TRPM7: variants seen among roughly 807,000 people sequenced by gnomAD.
TRPM7 encodes the protein transient receptor potential cation channel subfamily M member 7.
Under a neutral mutation model 229.7 loss-of-function variants are expected in TRPM7, and 134 were observed. The ratio of observed to expected loss-of-function variants is 0.58; its 90% CI spans 0.51 to 0.67. The LOEUF is 0.67. Among genes scored for constraint, TRPM7 ranks in the 30% least tolerant of loss-of-function variants. The pLI is 0.00. For missense variants in TRPM7, 1,901 were observed against 2,210.0 expected (o/e 0.86, Z 2.80); for synonymous variants, 699 against 715.2 (o/e 0.98, Z 0.36).
intron 31 of TRPM7, among the ~76,000 whole-genome samples, chr15:50,576,927 G>A (rs1237196398): frequency 2.0e-5 from 3 of 152,066 alleles, no homozygotes. Context: ...GGATAACATG[G>A]CAAGGCCCCA....
At chr15:50,607,921 GGT>G (rs1315841924) in intron 19 of TRPM7, among the ~76,000 whole-genome samples, 1 of 150,930 alleles carries the variant, frequency 6.6e-6, no homozygotes, top group African/African-American at 2.4e-5. Context: ...CAGACGTGGT[GGT>G]GCATGCCTGC....
At chr15:50,576,628 T>C (rs2054148909) in intron 31 of TRPM7, among the ~76,000 whole-genome samples, 1 of 152,200 alleles carries the variant, frequency 6.6e-6, no homozygotes, top group African/African-American at 2.4e-5. Flanking sequence ...GATTGACCTA[T>C]AGTGCTTTTT....
At chr15:50,630,727 T>C (rs1231344800) in intron 10 of TRPM7, among the ~76,000 whole-genome samples, 2 of 152,150 alleles carry the variant, frequency 1.3e-5, no homozygotes, top group South Asian at 2.1e-4. Context: ...GGCTGGAGTG[T>C]AGCAGTGTGA....
rs1265040538 is a variant in TRPM7, at chr15:50,559,235, T to A, written c.*2443A>T. On this transcript the variant is annotated 3_prime_UTR_variant, in exon 39 of 39. Transcript: ENST00000646667. ...CCCAGCTAATTTTTTGTATTTTTAG[T>A]AGAGACGGGGTTTCACTATGTTGGT... The A allele has an allele frequency of 6.6e-6, 1 of 152,222 alleles. No individual in the cohort carries two copies. Among genetic ancestry groups the A allele is most frequent in the Non-Finnish European group, 1.5e-5 (1 of 68,130 alleles). 9.4% of individuals were successfully genotyped at this position (152,222 alleles called of 1,614,324 possible). A position where few individuals can be genotyped will look rare whatever the true frequency, so the allele number is the denominator to read the frequency against.
chr15:50,646,175 A>T (rs2061259370), intron 4 of TRPM7, among the ~76,000 whole-genome samples: 1 of 151,898 alleles, frequency 6.6e-6, no homozygotes, highest in Non-Finnish European at 1.5e-5. Flanking sequence ...ATCGGGATCC[A>T]GGAGAAAAGA....
rs1365457475 is a variant in TRPM7 at position 50,560,273 on chromosome 15, A to C, written c.*1405T>G. On this transcript the variant is annotated 3_prime_UTR_variant, in exon 39 of 39. Transcript: ENST00000646667. ...TGAAAATGTCAGATAATTTTTCAGA[A>C]TGATTAAACTCACTAAACATCTGTA... The C allele has an allele frequency of 6.6e-6, 1 of 152,606 alleles. No individual in the cohort carries two copies. Among genetic ancestry groups the C allele is most frequent in the African/African-American group, 2.4e-5 (1 of 41,458 alleles). The allele number at this position is 152,606 out of a possible 1,614,324, so 9.5% of individuals were successfully genotyped here.
chr15:50,572,200 G>A (rs1356709451), intron 36 of TRPM7, among the ~76,000 whole-genome samples: 3 of 152,206 alleles, frequency 2.0e-5, no homozygotes, highest in African/African-American at 7.2e-5. Flanking sequence ...CAGGAGGATG[G>A]CTTGAGCCGA....
intron 21 of TRPM7, among the ~76,000 whole-genome samples, chr15:50,602,560 A>G (rs1255129624): frequency 1.3e-5 from 2 of 152,276 alleles, no homozygotes; most frequent in Middle Eastern, 6.8e-3. Context: ...ATTGGTTACT[A>G]GCTCTTCTAT....
At chr15:50,681,224 C>T (rs2062233681) in intron 1 of TRPM7, among the ~76,000 whole-genome samples, 1 of 151,180 alleles carries the variant, frequency 6.6e-6, no homozygotes, top group South Asian at 2.1e-4. Context: ...GCACTTCAGC[C>T]TGGATGACCG....
intron 13 of TRPM7, among the ~76,000 whole-genome samples, chr15:50,618,191 G>A (rs566429450): frequency 6.6e-6 from 1 of 152,160 alleles, no homozygotes; most frequent in South Asian, 2.1e-4. Context: ...TGATAGAAGA[G>A]GAATAACAGT....
intron 7 of TRPM7, among the ~76,000 whole-genome samples, chr15:50,636,005 TAAAG>T (rs1236981349): frequency 6.6e-6 from 1 of 151,528 alleles, no homozygotes; most frequent in Non-Finnish European, 1.5e-5. Context: ...AATTAAAAAT[TAAAG>T]AAGAAATTGA....
chr15:50,657,218 G>A (rs1233226928), intron 3 of TRPM7, among the ~76,000 whole-genome samples: 1 of 152,152 alleles, frequency 6.6e-6, no homozygotes, highest in African/African-American at 2.4e-5. Flanking sequence ...CAGCTACTCG[G>A]GAGGCTGAGG....
chr15:50,557,267 T>C lies in TRPM7; in HGVS notation c.*4411A>G, dbSNP rs1039532869. On this transcript the variant is annotated 3_prime_UTR_variant, in exon 39 of 39. Transcript: ENST00000646667. ...CTCTTCAAGAGGAAGTCTGGTATTA[T>C]GGAAAAACATTTTGTCATTCAGATT... The C allele has an allele frequency of 2.0e-5, 3 of 152,238 alleles. No homozygotes were observed. Among genetic ancestry groups the C allele is most frequent in the African/African-American group, 4.8e-5 (2 of 41,456 alleles). The allele number at this position is 152,238 out of a possible 1,614,324, so 9.4% of individuals were successfully genotyped here. A position where few individuals can be genotyped will look rare whatever the true frequency, so the allele number is the denominator to read the frequency against.
chr15:50,644,377 T>C (rs1934334005), intron 4 of TRPM7, among the ~76,000 whole-genome samples: 1 of 152,214 alleles, frequency 6.6e-6, no homozygotes, highest in South Asian at 2.1e-4. Context: ...AAGTAGCTCA[T>C]AAGAAACTTC....
At chr15:50,614,601 G>A (rs2060163314) in intron 13 of TRPM7, among the ~76,000 whole-genome samples, 1 of 147,548 alleles carries the variant, frequency 6.8e-6, no homozygotes. Context: ...GGAGGCGGAA[G>A]TTGCAGTGAG....
At position 50,648,697 on chromosome 15, in the gene TRPM7, T is replaced by A; in HGVS notation, c.311A>T (p.Tyr104Phe). Residue 104 changes from tyrosine (Y) to phenylalanine (F), a missense_variant, in exon 4 of 39, where the codon TAC becomes TTC. This residue lies in a region of TRPM7 where 794 missense variants were observed against 881.9 expected (regional missense o/e 0.90). Transcript: ENST00000646667. ...VINFQGGSHS[Y>F]RAKYVRLSYD... ...CAATATGTGACATACCTTAGCTCTG[T>A]AGGAATGAGAACCCCCTTGAAAATT... The A allele has an allele frequency of 6.2e-7, 1 of 1,607,488 alleles. No individual in the cohort carries two copies. Among genetic ancestry groups the A allele is most frequent in the Non-Finnish European group, 8.5e-7 (1 of 1,176,482 alleles).
At chr15:50,621,997 T>G (rs951124331) in intron 12 of TRPM7, among the ~76,000 whole-genome samples, 4 of 149,984 alleles carry the variant, frequency 2.7e-5, no homozygotes, top group Non-Finnish European at 5.9e-5. Flanking sequence ...GCCACTGCTC[T>G]CCAGCCTGGA....
At chr15:50,670,092 T>C (rs977838350) in intron 1 of TRPM7, among the ~76,000 whole-genome samples, 4 of 152,320 alleles carry the variant, frequency 2.6e-5, no homozygotes, top group African/African-American at 9.6e-5. Context: ...AACTGATGTG[T>C]TGTGAATGAG....
At chr15:50,678,535 TATATATAC>T (rs1212560886) in intron 1 of TRPM7, among the ~76,000 whole-genome samples, 40 of 146,336 alleles carry the variant, frequency 2.7e-4, no homozygotes, top group East Asian at 4.0e-4. Flanking sequence ...TATATATATA[TATATATAC>T]ACACACACAC....
Sources: gnomAD v4.1 joint callset for allele counts (sites outside exome capture counted in the v4.1 genomes callset) on GRCh38, gnomAD v4.1.1 for gene constraint, gnomAD v4.1.1 regional missense constraint, MANE v1.5 for transcripts, NCBI Gene and HGNC (gene_info 2026-07-23, HGNC 2026-07-21) for gene names.